EPHA6: variants seen among roughly 807,000 people sequenced by gnomAD.
The protein encoded by EPHA6 is EPH receptor A6, also known as ephrin type-A receptor 6.
In EPHA6, 50 loss-of-function variants were observed where a neutral mutation model predicts 112.0. The observed-to-expected ratio is 0.45, with a 90% confidence interval of 0.36 to 0.56. EPHA6 has a LOEUF of 0.56. Among genes scored for constraint, EPHA6 ranks in the 20% least tolerant of loss-of-function variants. The pLI, the probability that EPHA6 is intolerant of heterozygous loss-of-function variation, is 0.00. For synonymous variants in EPHA6, 529 were observed against 490.7 expected (o/e 1.08, Z -1.03); for missense variants, 1,280 against 1,417.4 (o/e 0.90, Z 1.56).
intron 2 of EPHA6, among the ~76,000 whole-genome samples, chr3:96,925,729 C>CT (rs1262795437): frequency 2.6e-5 from 4 of 151,576 alleles, no homozygotes; most frequent in African/African-American, 9.7e-5. Flanking sequence ...CCTCAGTCTT[C>CT]TGAGTAGCTG....
At chr3:97,056,606 G>A (rs1490649663) in intron 3 of EPHA6, among the ~76,000 whole-genome samples, 1 of 152,108 alleles carries the variant, frequency 6.6e-6, no homozygotes, top group African/African-American at 2.4e-5. Context: ...TGTGCTCCTG[G>A]TGTCTTGGTA....
chr3:97,297,835 C>A (rs2080931615), intron 5 of EPHA6, among the ~76,000 whole-genome samples: 1 of 152,146 alleles, frequency 6.6e-6, no homozygotes, highest in South Asian at 2.1e-4. Context: ...ATGATCTTGG[C>A]TCACTGCAAC....
intron 2 of EPHA6, among the ~76,000 whole-genome samples, chr3:96,922,833 G>C (rs985084366): frequency 1.3e-5 from 2 of 152,056 alleles, no homozygotes; most frequent in African/African-American, 4.8e-5. Flanking sequence ...GCCCCAGTAT[G>C]TGTTGTTTCA....
chr3:97,107,458 G>T lies in EPHA6; in HGVS notation c.1115-118806G>T, dbSNP rs1402922609. On this transcript the variant is annotated intron_variant, in intron 3 of 17. Transcript: ENST00000389672. Reference sequence around the variant, plus strand: ...GGTTGAAGACCATATGTTGTTTCCTGTTGCTTACTGGACTGAGTCTGTACT... The same window carrying T: ...GGTTGAAGACCATATGTTGTTTCCTTTTGCTTACTGGACTGAGTCTGTACT... 2.6e-5 allele frequency among the ~76,000 whole-genome samples: 4 copies of T among 152,030 alleles called. No individual in the cohort carries two copies. The South Asian group carries it at 8.3e-4, about 31-fold the overall frequency.
At chr3:97,363,981 A>T (rs959019758) in intron 5 of EPHA6, among the ~76,000 whole-genome samples, 3 of 152,008 alleles carry the variant, frequency 2.0e-5, no homozygotes, top group Non-Finnish European at 2.9e-5. Context: ...AAAGTAGAAT[A>T]GTGGTTTGCA....
At chr3:97,614,802 C>T (rs2093752110) in intron 13 of EPHA6, among the ~76,000 whole-genome samples, 2 of 151,940 alleles carry the variant, frequency 1.3e-5, no homozygotes, top group African/African-American at 2.4e-5. Context: ...GGAAAGATGG[C>T]TGGGAGCAAG....
chr3:97,068,180 AAG>A (rs1391691117), intron 3 of EPHA6, among the ~76,000 whole-genome samples: 3 of 150,830 alleles, frequency 2.0e-5, no homozygotes, highest in Non-Finnish European at 4.4e-5. Context: ...AAAAAAAAAA[AAG>A]AGTCAGGGAT....
intron 1 of EPHA6, among the ~76,000 whole-genome samples, chr3:96,823,272 A>T (rs1002007000): frequency 3.3e-5 from 5 of 151,772 alleles, no homozygotes; most frequent in Admixed American, 6.6e-5. Context: ...ATTGATTTTT[A>T]AATACAATGC....
rs114945935 is a variant in EPHA6 at position 97,032,466 on chromosome 3, A to T, written c.1114+44473A>T. ...AGTATAATAATAAAATAAAAAGAAT[A>T]AAAAAAAGGATGAGACCCATTATTT... On this transcript the variant is annotated intron_variant, in intron 3 of 17. Coordinates refer to ENST00000389672, the MANE Select transcript of EPHA6 (RefSeq NM_001080448.3). Among the ~76,000 whole-genome samples, 1,069 of 151,858 alleles carry T rather than the reference A, an allele frequency of 7.0e-3. 33 individuals are homozygous for T. The East Asian group carries it at 0.1, about 15-fold the overall frequency.
intron 6 of EPHA6, among the ~76,000 whole-genome samples, chr3:97,421,286 A>G (rs1169572375): frequency 6.6e-6 from 1 of 152,174 alleles, no homozygotes; most frequent in African/African-American, 2.4e-5. Flanking sequence ...TTTTTCCCGA[A>G]TGTACATTCA....
chr3:97,032,414 G>A (rs191527563), intron 3 of EPHA6, among the ~76,000 whole-genome samples: 27 of 151,960 alleles, frequency 1.8e-4, no homozygotes, highest in East Asian at 5.8e-4. Flanking sequence ...AAACCTGCAC[G>A]TTGTGCACAT....
In EPHA6 at chr3:97,504,934, C is replaced by T. The variant is rs1577602014; in HGVS notation, c.2200+20875C>T. ...GTTTGTAAAAACTTGAAATCAATCC[C>T]AATTTTTTTATTATTTATAAACCTG... is the stretch of plus-strand genomic sequence containing the variant. On this transcript the variant is annotated intron_variant, in intron 10 of 17. Transcript: ENST00000389672. 3.3e-5 allele frequency among the ~76,000 whole-genome samples: 5 copies of T among 151,960 alleles called. No homozygotes were observed. In the South Asian group the frequency reaches 8.3e-4, roughly 25 times the overall value.
At chr3:97,243,729 T>G (rs540734766) in intron 4 of EPHA6, among the ~76,000 whole-genome samples, 1 of 151,980 alleles carries the variant, frequency 6.6e-6, no homozygotes, top group Admixed American at 6.6e-5. Flanking sequence ...AATATTGAAA[T>G]TCATACTCCA....
At chr3:97,573,761 G>A (rs2093356715) in intron 11 of EPHA6, among the ~76,000 whole-genome samples, 1 of 152,062 alleles carries the variant, frequency 6.6e-6, no homozygotes, top group South Asian at 2.1e-4. Context: ...GAAAAAATAG[G>A]TCTCTTCATT....
intron 2 of EPHA6, among the ~76,000 whole-genome samples, chr3:96,872,810 T>C (rs2036709582): frequency 6.6e-6 from 1 of 152,098 alleles, no homozygotes; most frequent in Non-Finnish European, 1.5e-5. Flanking sequence ...TTTTGAAGTT[T>C]GAATACAGTA....
intron 5 of EPHA6, among the ~76,000 whole-genome samples, chr3:97,324,051 A>T (rs993369621): frequency 2.0e-5 from 3 of 151,962 alleles, no homozygotes; most frequent in Admixed American, 6.6e-5. Flanking sequence ...ACAGGGGTTT[A>T]TAAGAATTTC....
At chr3:97,369,964 T>G (rs2084955835) in intron 5 of EPHA6, among the ~76,000 whole-genome samples, 1 of 152,182 alleles carries the variant, frequency 6.6e-6, no homozygotes. Context: ...TTATATAACA[T>G]TTTAGTCCCT....
intron 5 of EPHA6, among the ~76,000 whole-genome samples, chr3:97,338,492 G>A (rs1274258469): frequency 6.6e-6 from 1 of 151,946 alleles, no homozygotes; most frequent in African/African-American, 2.4e-5. Context: ...TTCCAAACAC[G>A]TTCAGCTGTG....
intron 10 of EPHA6, among the ~76,000 whole-genome samples, chr3:97,528,405 A>G (rs2092652918): frequency 6.6e-6 from 1 of 152,168 alleles, no homozygotes. Context: ...CTCAGCCTTT[A>G]TCACTAATAA....
Sources: gnomAD v4.1 joint callset for allele counts (sites outside exome capture counted in the v4.1 genomes callset) on GRCh38, gnomAD v4.1.1 for gene constraint, MANE v1.5 for transcripts, NCBI Gene and HGNC (gene_info 2026-07-23, HGNC 2026-07-21) for gene names.